DOP1A: variants seen among roughly 807,000 people sequenced by gnomAD.
DOP1A encodes the protein DOP1 leucine zipper like protein A, also known as protein DOP1A.
DOP1A carries 90 observed loss-of-function variants against 267.6 expected under a neutral mutation model. That is an observed-to-expected ratio of 0.34 (90% CI 0.28 to 0.40). The LOEUF is 0.40. DOP1A is among the 10% of genes least tolerant of loss of function. The pLI, the probability that DOP1A is intolerant of heterozygous loss-of-function variation, is 1.00. For missense variants in DOP1A, 2,437 were observed against 2,900.4 expected (o/e 0.84, Z 3.67); for synonymous variants, 932 against 999.1 (o/e 0.93, Z 1.27).
Position 83,138,397 on chromosome 6 carries a change from A to G in DOP1A, c.4355A>G (p.Tyr1452Cys). ...AATCATAACTTCCGGAGTTCTATGT[A>G]CATAGAAATTCTTATTTCTCTCTGC... is the stretch of plus-strand genomic sequence containing the variant. Reference protein sequence around the residue: ...DSNHNFRSSMYIEILISLCLY... With the variant: ...DSNHNFRSSMCIEILISLCLY... Residue 1452 changes from tyrosine (Y) to cysteine (C), a missense_variant, in exon 21 of 39, where the codon TAC becomes TGC. This residue lies in a region of DOP1A where 878 missense variants were observed against 992.9 expected (regional missense o/e 0.88). Coordinates refer to ENST00000349129, the MANE Select transcript of DOP1A (RefSeq NM_015018.4). 6.2e-7 allele frequency: 1 copy of G among 1,611,058 alleles called. No individual in the cohort carries two copies. Among genetic ancestry groups the G allele is most frequent in the Non-Finnish European group, 8.5e-7 (1 of 1,179,836 alleles).
chr6:83,160,035 T>C (rs767158245), intron 37 of DOP1A, 75 bp downstream of exon 37: 25 of 1,428,488 alleles, frequency 1.8e-5, no homozygotes, highest in Non-Finnish European at 2.4e-5. Flanking sequence ...CTATGACTAA[T>C]TAAAAAGTTT....
In DOP1A at chr6:83,129,094, A is replaced by C; in HGVS notation, c.1927A>C (p.Thr643Pro). ...STSSETETAS[T>P]VGSEETIIQT... ...ATCCTCTGAGACAGAAACAGCATCC[A>C]CTGTGGGATCTGAAGAAACCATCAT... Residue 643 changes from threonine (T) to proline (P), a missense_variant, in exon 16 of 39, where the codon ACT becomes CCT. By Grantham distance (38) the Thr-to-Pro change is conservative (BLOSUM62 -1). Around this residue, in one of 9 missense-constraint regions of DOP1A, gnomAD observed 498 missense variants for 513.5 expected, o/e 0.97. Coordinates refer to ENST00000349129, the MANE Select transcript of DOP1A (RefSeq NM_015018.4). 1 of 1,614,082 alleles carries C rather than the reference A, an allele frequency of 6.2e-7. No individual in the cohort carries two copies. The highest frequency in any genetic ancestry group is 2.2e-5 in the East Asian group (1 of 44,856).
chr6:83,151,497 A>G (rs1189567912), intron 27 of DOP1A, 96 bp from the exon 28 acceptor site: 2 of 831,624 alleles, frequency 2.4e-6, no homozygotes, highest in Non-Finnish European at 3.7e-6. Flanking sequence ...GGAAATCAAG[A>G]CCATTAAGCC....
At chr6:83,119,692 G>A in intron 8 of DOP1A, 56 bp from the exon 9 acceptor site, 1 of 1,489,234 alleles carries the variant, frequency 6.7e-7, no homozygotes, top group Non-Finnish European at 9.3e-7. Flanking sequence ...GGTATTTAGT[G>A]AACAACAGTT....
intron 4 of DOP1A, among the ~76,000 whole-genome samples, chr6:83,107,654 T>C (rs73483034): frequency 1.1e-4 from 16 of 152,308 alleles, no homozygotes; most frequent in Admixed American, 3.9e-4. Context: ...TATGAGAACA[T>C]CAAATAGGGG....
chr6:83,116,417 T>C (rs1043576553), intron 7 of DOP1A, among the ~76,000 whole-genome samples: 3 of 152,220 alleles, frequency 2.0e-5, no homozygotes, highest in African/African-American at 7.2e-5. Context: ...CAATCATGTT[T>C]ATTACTATTG....
chr6:83,170,446 A>G (rs768908361), downstream of DOP1A: 6 of 1,613,978 alleles, frequency 3.7e-6, no homozygotes, highest in Admixed American at 1.7e-5. Flanking sequence ...GTCTTTCAGC[A>G]TCGGTAGTGC....
chr6:83,165,681 TG>T, intron 38 of DOP1A: 1 of 213,372 alleles, frequency 4.7e-6, no homozygotes. Context: ...CCTAAAGAAG[TG>T]GTAGTTTGTT....
intron 23 of DOP1A, among the ~76,000 whole-genome samples, chr6:83,140,926 AC>A (rs1294474796): frequency 6.6e-6 from 1 of 152,088 alleles, no homozygotes; most frequent in Non-Finnish European, 1.5e-5. Flanking sequence ...CTCCTAGAAA[AC>A]AATTTAGCAA....
At chr6:83,167,751 GTCA>G in intron 38 of DOP1A, 108 bp from the exon 39 acceptor site, 1 of 1,449,086 alleles carries the variant, frequency 6.9e-7, no homozygotes, top group Non-Finnish European at 9.1e-7. Context: ...GAAACTTAAT[GTCA>G]TTTGTATTCA....
chr6:83,092,951 A>G (rs1582904016), intron 1 of DOP1A, among the ~76,000 whole-genome samples: 1 of 152,314 alleles, frequency 6.6e-6, no homozygotes, highest in South Asian at 2.1e-4. Flanking sequence ...TTCATGTAAT[A>G]TTTCCAGACT....
chr6:83,104,835 C>G (rs1445570440), intron 4 of DOP1A, among the ~76,000 whole-genome samples: 1 of 151,720 alleles, frequency 6.6e-6, no homozygotes, highest in Non-Finnish European at 1.5e-5. Flanking sequence ...CTCAAGCCAT[C>G]CTTTTTTTTT....
intron 35 of DOP1A, 104 bp downstream of exon 35, chr6:83,157,422 C>A: frequency 8.0e-7 from 1 of 1,247,904 alleles, no homozygotes; most frequent in Non-Finnish European, 1.1e-6. Flanking sequence ...GAGAACTGAG[C>A]TGTAGTTAAA....
chr6:83,155,896 A>G (rs1371083377), intron 33 of DOP1A, 55 bp from the exon 34 acceptor site: 3 of 1,566,030 alleles, frequency 1.9e-6, no homozygotes, highest in Admixed American at 2.0e-5. Context: ...AAAAAACAAC[A>G]GAATAATCTT....
At position 83,162,696 on chromosome 6, in the gene DOP1A, G is replaced by GT. The variant is rs1784510756; in HGVS notation, c.6963-93dup. The GT allele has an allele frequency of 9.5e-6, 13 of 1,375,178 alleles. No homozygotes were observed. In the East Asian group the frequency reaches 2.8e-4, roughly 30 times the overall value. The allele number at this position is 1,375,178 out of a possible 1,614,324, so 85.2% of individuals were successfully genotyped here. ...TCTGGCATTTGAATTTTTATAAGCA[G>GT]TGGGGTCATGATCTTTCTACTACAT... On this transcript the variant is annotated intron_variant, in intron 37 of 38. Transcript: ENST00000349129.
intron 1 of DOP1A, among the ~76,000 whole-genome samples, chr6:83,069,950 A>G (rs1324789806): frequency 6.6e-6 from 1 of 152,218 alleles, no homozygotes; most frequent in Non-Finnish European, 1.5e-5. Context: ...TTAAGAGCTT[A>G]TATCATGGAA....
downstream of DOP1A, chr6:83,169,454 T>G: frequency 9.3e-7 from 1 of 1,078,922 alleles, no homozygotes; most frequent in Non-Finnish European, 1.3e-6. Context: ...CAAATTCTAA[T>G]GAAAACCTTT....
At chr6:83,139,581 G>C (rs1779302876) in intron 21 of DOP1A, among the ~76,000 whole-genome samples, 1 of 152,038 alleles carries the variant, frequency 6.6e-6, no homozygotes, top group Non-Finnish European at 1.5e-5. Flanking sequence ...TCATGGTTTA[G>C]TGACAAAATT....
chr6:83,096,528 TC>T (rs1184696089), intron 1 of DOP1A, among the ~76,000 whole-genome samples: 1 of 151,288 alleles, frequency 6.6e-6, no homozygotes, highest in Non-Finnish European at 1.5e-5. Flanking sequence ...TTTTCTTTCT[TC>T]CCCTGTGTTC....
Sources: gnomAD v4.1 joint callset for allele counts (sites outside exome capture counted in the v4.1 genomes callset) on GRCh38, gnomAD v4.1.1 for gene constraint, gnomAD v4.1.1 regional missense constraint, MANE v1.5 for transcripts, NCBI Gene and HGNC (gene_info 2026-07-23, HGNC 2026-07-21) for gene names.